The following EED variants were observed in gnomAD, a reference collection of about 807,000 sequenced individuals.
EED encodes embryonic ectoderm development, also known as polycomb protein EED.
In EED, 9 loss-of-function variants were observed where a neutral mutation model predicts 61.0. The observed-to-expected ratio is 0.15, with a 90% CI of 0.09 to 0.26. The LOEUF is 0.26. EED is among the 10% of genes least tolerant of loss of function. EED has a pLI of 1.00. For missense variants in EED, 315 were observed against 542.3 expected, an observed-to-expected ratio of 0.58 and a Z score of 4.16; for synonymous variants, 187 against 174.4, an observed-to-expected ratio of 1.07 and a Z score of -0.57.
At chr11:86,278,159 C>A in intron 11 of EED, 168 bp downstream of exon 11, 1 of 1,325,816 alleles carries the variant, frequency 7.5e-7, no homozygotes, top group Non-Finnish European at 9.7e-7. Flanking sequence ...TTTTGTTTTT[C>A]CTAAGTACCT....
intron 3 of EED, 50 bp downstream of exon 3, chr11:86,252,290 T>C: frequency 7.8e-7 from 1 of 1,285,764 alleles, no homozygotes; most frequent in Non-Finnish European, 1.1e-6. Context: ...CCAGATCTGG[T>C]GTTAATGTAA....
chr11:86,266,316 A>G (rs1945977363), intron 8 of EED, 100 bp downstream of exon 8: 6 of 1,055,476 alleles, frequency 5.7e-6, no homozygotes, highest in Non-Finnish European at 7.8e-6. Flanking sequence ...CAATGAGTTT[A>G]GAAGACCTTC....
chr11:86,272,917 CTGAG>C (rs1946149921), intron 9 of EED, among the ~76,000 whole-genome samples: 1 of 152,120 alleles, frequency 6.6e-6, no homozygotes, highest in Admixed American at 6.5e-5. Context: ...TCATTTCTCT[CTGAG>C]TTTTTTCCCC....
intron 4 of EED, among the ~76,000 whole-genome samples, 200 bp downstream of exon 4, chr11:86,255,487 C>CAAAAAG (rs1274226164): frequency 6.6e-6 from 1 of 151,916 alleles, no homozygotes. Flanking sequence ...CTCAGCTAGG[C>CAAAAAG]AAAAAGAAAA....
downstream of EED, among the ~76,000 whole-genome samples, chr11:86,283,560 G>T (rs1171372550): frequency 6.6e-6 from 1 of 152,174 alleles, no homozygotes; most frequent in Non-Finnish European, 1.5e-5. Flanking sequence ...ACAGGGGTCA[G>T]AATTAAACAG....
chr11:86,278,051 A>G (rs367659361), intron 11 of EED, 60 bp downstream of exon 11: 9 of 1,434,816 alleles, frequency 6.3e-6, no homozygotes, highest in East Asian at 5.1e-5. Flanking sequence ...TTGTATGCCA[A>G]TGTAGAGAAG....
In EED at chr11:86,244,981, G is replaced by C; in HGVS notation, c.-249G>C. On this transcript the variant is annotated 5_prime_UTR_variant, in exon 1 of 12. Transcript: ENST00000263360. ...GGGCGGCGGGAAAAGGGCAAGACGG[G>C]AGTTGGGGAAGGGAAGGAGCCAGGA... 3 of 437,344 alleles carry C rather than the reference G, an allele frequency of 6.9e-6. No homozygotes were observed. Among genetic ancestry groups the C allele is most frequent in the East Asian group, 8.3e-5 (2 of 23,970 alleles). The allele number at this position is 437,344 out of a possible 1,614,324, so 27.1% of individuals were successfully genotyped here. A position where few individuals can be genotyped will look rare whatever the true frequency, so the allele number is the denominator to read the frequency against.
chr11:86,257,909 CTG>C (rs923623357), intron 6 of EED, among the ~76,000 whole-genome samples: 1 of 152,172 alleles, frequency 6.6e-6, no homozygotes, highest in Non-Finnish European at 1.5e-5. Context: ...TTAAAAACCT[CTG>C]TCTTTCCTTT....
intron 8 of EED, among the ~76,000 whole-genome samples, chr11:86,267,291 A>G (rs1316819057): frequency 6.6e-6 from 1 of 152,222 alleles, no homozygotes; most frequent in Non-Finnish European, 1.5e-5. Flanking sequence ...AAAATATCCC[A>G]GAATTTGAAT....
chr11:86,251,466 G>A (rs1235160510), intron 2 of EED, among the ~76,000 whole-genome samples: 1 of 152,170 alleles, frequency 6.6e-6, no homozygotes, highest in African/African-American at 2.4e-5. Context: ...CTTTAAAAGT[G>A]AAAACAGTGC....
At chr11:86,245,497 CG>C (rs962459373) in intron 1 of EED, among the ~76,000 whole-genome samples, 154 bp downstream of exon 1, 2 of 151,522 alleles carry the variant, frequency 1.3e-5, no homozygotes, top group African/African-American at 4.9e-5. Flanking sequence ...AAATTGCCTA[CG>C]GGGATTTTGA....
At chr11:86,275,876 CTAAA>C (rs565741472) in intron 9 of EED, among the ~76,000 whole-genome samples, 12 of 152,124 alleles carry the variant, frequency 7.9e-5, no homozygotes, top group Non-Finnish European at 1.2e-4. Flanking sequence ...TTTAAAAAGT[CTAAA>C]TAAAAAAGGT....
Position 86,255,395 on chromosome 11 carries a change from T to C in EED, c.426+108T>C. ...TTTCCCTAAAGTTATTGTTCTTTCTTAACCGATTTCTTCACTATCACCCAA... is the reference window on the plus strand; with the variant it reads ...TTTCCCTAAAGTTATTGTTCTTTCTCAACCGATTTCTTCACTATCACCCAA... On this transcript the variant is annotated intron_variant, in intron 4 of 11. Transcript: ENST00000263360. 6.6e-6 allele frequency: 6 copies of C among 908,280 alleles called. No individual in the cohort carries two copies. The South Asian group carries it at 1.1e-4, about 17-fold the overall frequency. 56.3% of individuals were successfully genotyped at this position (908,280 alleles called of 1,614,324 possible). A position where few individuals can be genotyped will look rare whatever the true frequency, so the allele number is the denominator to read the frequency against.
chr11:86,268,982 CT>C (rs746309725), intron 9 of EED, among the ~76,000 whole-genome samples: 1 of 152,112 alleles, frequency 6.6e-6, no homozygotes, highest in Admixed American at 6.6e-5. Context: ...ACCCCTGCCC[CT>C]GTTGATGGAT....
chr11:86,278,077 A>C, intron 11 of EED, 86 bp downstream of exon 11: 6 of 1,390,768 alleles, frequency 4.3e-6, no homozygotes, highest in Non-Finnish European at 4.7e-6. Context: ...TTATATTTGC[A>C]GTGCCATCCT....
chr11:86,287,000 A>AC, the EED span, among the ~76,000 whole-genome samples: 1 of 149,388 alleles, frequency 6.7e-6, no homozygotes. Context: ...AAAAAGAAAT[A>AC]GACTATACAT....
chr11:86,257,440 A>T, intron 5 of EED, 75 bp from the exon 6 acceptor site: 21 of 1,194,772 alleles, frequency 1.8e-5, no homozygotes, highest in Admixed American at 5.3e-5. Context: ...CTATTTTTAC[A>T]TTCTCTAAAG....
At chr11:86,276,900 A>G in intron 9 of EED, 80 bp from the exon 10 acceptor site, 1 of 1,300,772 alleles carries the variant, frequency 7.7e-7, no homozygotes, top group Non-Finnish European at 1.0e-6. Context: ...ATTCCAAAAC[A>G]ATAGAAAAGC....
chr11:86,283,807 G>A (rs372028545), downstream of EED: 11 of 145,220 alleles, frequency 7.6e-5, no homozygotes, highest in African/African-American at 2.8e-4. Context: ...AAGAAATATA[G>A]AGGATAAAAT....
Sources: allele counts gnomAD v4.1 joint callset (sites outside exome capture counted in the v4.1 genomes callset), GRCh38; gene constraint gnomAD v4.1.1; transcripts MANE v1.5; gene names NCBI Gene and HGNC (gene_info 2026-07-23, HGNC 2026-07-21).